The following USP32 variants were observed in gnomAD, a reference collection of about 807,000 sequenced individuals.
The protein encoded by USP32 is ubiquitin carboxyl-terminal hydrolase 32.
In USP32, 59 loss-of-function variants were observed where a neutral mutation model predicts 204.8. The ratio of observed to expected loss-of-function variants is 0.29; its 90% CI spans 0.23 to 0.36. The LOEUF is 0.36. Among genes scored for constraint, USP32 ranks in the 10% least tolerant of loss-of-function variants. USP32 has a pLI of 1.00. For synonymous variants in USP32, 517 were observed against 678.4 expected (o/e 0.76, Z 3.70); for missense variants, 1,160 against 1,946.4 (o/e 0.60, Z 7.60).
intron 16 of USP32, among the ~76,000 whole-genome samples, chr17:60,217,813 C>T (rs1419238839): frequency 6.6e-6 from 1 of 152,080 alleles, no homozygotes; most frequent in Non-Finnish European, 1.5e-5. Context: ...TCATAGCTCA[C>T]CACAACCTTG....
chr17:60,409,230 C>G (rs2090000735), intron 1 of USP32, among the ~76,000 whole-genome samples: 1 of 152,202 alleles, frequency 6.6e-6, no homozygotes, highest in African/African-American at 2.4e-5. Context: ...TGCCTGTAAT[C>G]CCCGCTGCTA....
chr17:60,219,984 C>G (rs535900178), intron 15 of USP32, among the ~76,000 whole-genome samples, 197 bp from the exon 16 acceptor site: 38 of 151,278 alleles, frequency 2.5e-4, no homozygotes, highest in Middle Eastern at 3.4e-3. Context: ...AACCCATTTC[C>G]TAAGATTATA....
intron 2 of USP32, among the ~76,000 whole-genome samples, chr17:60,339,163 A>G (rs1201432708): frequency 1.3e-5 from 2 of 151,926 alleles, no homozygotes; most frequent in Non-Finnish European, 2.9e-5. Context: ...TGCCCGTCTC[A>G]GCCTCCCAAA....
chr17:60,306,570 A>C (rs1405266093), intron 2 of USP32, among the ~76,000 whole-genome samples: 1 of 152,062 alleles, frequency 6.6e-6, no homozygotes, highest in Non-Finnish European at 1.5e-5. Context: ...CCCGGAAGGC[A>C]GAGGTTACAA....
At chr17:60,190,031 A>T (rs1253004287) in intron 29 of USP32, among the ~76,000 whole-genome samples, 1 of 152,154 alleles carries the variant, frequency 6.6e-6, no homozygotes, top group Non-Finnish European at 1.5e-5. Flanking sequence ...GCCTAGCAGG[A>T]GGTGTTTGGG....
At position 60,177,397 on chromosome 17, in the gene USP32, T is replaced by C. The variant is rs1206072943; in HGVS notation, c.*1858A>G. ...TTAACATCTTTCTAAAGTCAGTGCA[T>C]TGTCAACAAGTTTTATACAGTAATT... On this transcript the variant is annotated 3_prime_UTR_variant, in exon 34 of 34. Transcript: ENST00000300896. Among the ~76,000 whole-genome samples, 2 of 152,238 alleles carry C rather than the reference T, an allele frequency of 1.3e-5. No individual in the cohort carries two copies. Among genetic ancestry groups the C allele is most frequent in the African/African-American group, 2.4e-5 (1 of 41,462 alleles).
chr17:60,208,901 C>G, intron 22 of USP32, 73 bp from the exon 23 acceptor site: 1 of 1,439,562 alleles, frequency 6.9e-7, no homozygotes, highest in Non-Finnish European at 9.2e-7. Context: ...TTCAAAGAAG[C>G]TAGTTAAATA....
chr17:60,302,112 T>G (rs1347260033), intron 2 of USP32, among the ~76,000 whole-genome samples: 1 of 101,688 alleles, frequency 9.8e-6, no homozygotes, highest in Non-Finnish European at 1.8e-5. Flanking sequence ...ATATTTTGTT[T>G]GTTTATTTAT....
chr17:60,392,068 A>T lies in USP32; in HGVS notation c.-129T>A. 1.0e-6 allele frequency: 1 copy of T among 1,004,278 alleles called. No individual in the cohort carries two copies. The highest frequency in any genetic ancestry group is 1.4e-6 in the Non-Finnish European group (1 of 736,052). 62.2% of individuals were successfully genotyped at this position (1,004,278 alleles called of 1,614,324 possible). On this transcript the variant is annotated 5_prime_UTR_variant, in exon 1 of 34. It removes the in-frame stop codon of an upstream open reading frame in the 5' UTR. Coordinates refer to ENST00000300896, the MANE Select transcript of USP32 (RefSeq NM_032582.4). ...CCCCGCCCCCACCTCCCCCCACACT[A>T]ACAAGTGCGGCTTCTGCCCCGGCGG... is the stretch of plus-strand genomic sequence containing the variant.
intron 1 of USP32, among the ~76,000 whole-genome samples, chr17:60,386,621 T>C (rs2089736715): frequency 6.6e-6 from 1 of 152,166 alleles, no homozygotes; most frequent in Non-Finnish European, 1.5e-5. Flanking sequence ...CTTACACATC[T>C]TTCTGGAAGG....
intron 2 of USP32, among the ~76,000 whole-genome samples, chr17:60,344,128 ATTT>A (rs1223926673): frequency 5.3e-5 from 7 of 131,144 alleles, no homozygotes; most frequent in Admixed American, 7.7e-5. Flanking sequence ...TAAAATTCCT[ATTT>A]TTTTTTTTTT....
intron 1 of USP32, among the ~76,000 whole-genome samples, chr17:60,418,862 TA>T (rs2090083440): frequency 6.6e-6 from 1 of 152,028 alleles, no homozygotes; most frequent in African/African-American, 2.4e-5. Context: ...AGTCAAAAAA[TA>T]ACAAATGCTG....
At chr17:60,184,809 CAA>C (rs35566339) in intron 30 of USP32, among the ~76,000 whole-genome samples, 14,679 of 78,426 alleles carry the variant, frequency 0.19, 1,277 homozygotes, top group African/African-American at 0.35. Context: ...GACCCTGTCT[CAA>C]AAAAAAAAAA....
intron 8 of USP32, 102 bp downstream of exon 8, chr17:60,265,874 T>C: frequency 1.1e-6 from 1 of 890,150 alleles, no homozygotes; most frequent in Non-Finnish European, 1.7e-6. Context: ...ATGTAGTAAC[T>C]AAAAGCAGTA....
At chr17:60,380,278 G>C (rs1442209166) in intron 1 of USP32, among the ~76,000 whole-genome samples, 3 of 152,150 alleles carry the variant, frequency 2.0e-5, no homozygotes, top group Non-Finnish European at 4.4e-5. Context: ...AAACAAATTA[G>C]AAAAGAAGCT....
chr17:60,270,439 G>A (rs2086696235), intron 6 of USP32, among the ~76,000 whole-genome samples: 1 of 152,174 alleles, frequency 6.6e-6, no homozygotes, highest in Non-Finnish European at 1.5e-5. Context: ...GTTTTAAAAG[G>A]TGAGAGCTGG....
intron 1 of USP32, among the ~76,000 whole-genome samples, chr17:60,365,044 C>G (rs188908134): frequency 6.6e-6 from 1 of 152,012 alleles, no homozygotes; most frequent in Admixed American, 6.6e-5. Context: ...ATTCCTTATG[C>G]CTTTTAGTTA....
At chr17:60,326,452 A>G (rs2088241631) in intron 2 of USP32, among the ~76,000 whole-genome samples, 1 of 152,098 alleles carries the variant, frequency 6.6e-6, no homozygotes, top group Admixed American at 6.6e-5. Context: ...CTGGGATTAC[A>G]GGCACCGACA....
rs369519575 is a variant in USP32, at chr17:60,180,019, C to CT, written c.4641+525dup. 3.3e-5 allele frequency among the ~76,000 whole-genome samples: 5 copies of CT among 151,538 alleles called. No individual in the cohort carries two copies. In the East Asian group the frequency reaches 9.8e-4, roughly 30 times the overall value. ...TAGAAGATAGGAGTTTTTGCATTAA[C>CT]TAACTCCTGTTTTTTTTTTTTCTTG... On this transcript the variant is annotated intron_variant, in intron 33 of 33. Coordinates refer to ENST00000300896, the MANE Select transcript of USP32 (RefSeq NM_032582.4).
Sources: allele counts gnomAD v4.1 joint callset (sites outside exome capture counted in the v4.1 genomes callset), GRCh38; gene constraint gnomAD v4.1.1; transcripts MANE v1.5; gene names NCBI Gene and HGNC (gene_info 2026-07-23, HGNC 2026-07-21).